WDSUB1: variants seen among roughly 807,000 people sequenced by gnomAD.
WDSUB1 encodes the protein WD repeat, SAM and U-box domain-containing protein 1.
Under a neutral mutation model 53.9 loss-of-function variants are expected in WDSUB1, and 49 were observed. The ratio of observed to expected loss-of-function variants is 0.91; its 90% confidence interval spans 0.72 to 1.15. WDSUB1 has a LOEUF of 1.15. WDSUB1 is among the 50% of genes most tolerant of loss of function. The probability of loss-of-function intolerance (pLI) is 0.00; values close to 1 mark genes in which losing one functional copy is unlikely to be tolerated. For missense variants in WDSUB1, 514 were observed against 562.0 expected, an observed-to-expected ratio of 0.91 and a Z score of 0.86; for synonymous variants, 194 against 200.6, an observed-to-expected ratio of 0.97 and a Z score of 0.28.
Position 159,265,293 on chromosome 2 carries a change from C to CCACACACACACACACA in WDSUB1, c.771-5466_771-5451dup, listed in dbSNP as rs75210001. Among the ~76,000 whole-genome samples, 172 of 149,470 alleles carry CCACACACACACACACA rather than the reference C, an allele frequency of 1.2e-3. 2 individuals are homozygous for CCACACACACACACACA. The highest frequency in any genetic ancestry group is 1.3e-3 in the Non-Finnish European group (90 of 67,242). ...CTTATCTCTAAAGCAAGCACACACA[C>CCACACACACACACACA]CACACACACACACACACACACACAC... On this transcript the variant is annotated intron_variant, in intron 5 of 10. Transcript: ENST00000359774.
chr2:159,275,467 T>C (rs2061520266), intron 4 of WDSUB1, 79 bp downstream of exon 4: 2 of 1,148,236 alleles, frequency 1.7e-6, no homozygotes, highest in Non-Finnish European at 1.2e-6. Context: ...ATACTCAAGG[T>C]ACCTTAAGTA....
intron 10 of WDSUB1, among the ~76,000 whole-genome samples, chr2:159,243,753 C>T (rs2060718562): frequency 6.6e-6 from 1 of 152,096 alleles, no homozygotes; most frequent in Non-Finnish European, 1.5e-5. Context: ...TGTATACCTT[C>T]TCCTAGGAAT....
At chr2:159,264,636 G>C (rs1356275113) in intron 5 of WDSUB1, among the ~76,000 whole-genome samples, 1 of 152,120 alleles carries the variant, frequency 6.6e-6, no homozygotes, top group Non-Finnish European at 1.5e-5. Context: ...CCATGGAGCT[G>C]AGCCCCTTCT....
intron 2 of WDSUB1, among the ~76,000 whole-genome samples, chr2:159,280,690 C>CAAAAAAAAAAAAAAAAAAAAAAAAAA (rs58584838): frequency 1.2e-4 from 7 of 59,590 alleles, no homozygotes; most frequent in African/African-American, 5.1e-4. Context: ...GACTCCGTCT[C>CAAAAAAAAAAAAAAAAAAAAAAAAAA]AAAAAAAAAA....
At chr2:159,243,556 T>G (rs2060715009) in intron 10 of WDSUB1, among the ~76,000 whole-genome samples, 1 of 136,996 alleles carries the variant, frequency 7.3e-6, no homozygotes, top group Non-Finnish European at 1.5e-5. Flanking sequence ...ACAAGGTATA[T>G]GTCTCTATTG....
At chr2:159,251,917 C>A (rs2060959061) in intron 9 of WDSUB1, among the ~76,000 whole-genome samples, 1 of 152,110 alleles carries the variant, frequency 6.6e-6, no homozygotes, top group African/African-American at 2.4e-5. Flanking sequence ...GAGACAGAGA[C>A]CTTCCTACGT....
chr2:159,239,756 C>G (rs2060592964), intron 10 of WDSUB1, among the ~76,000 whole-genome samples: 1 of 152,186 alleles, frequency 6.6e-6, no homozygotes, highest in Non-Finnish European at 1.5e-5. Context: ...AACCCCAGAT[C>G]TGGATTGTTT....
intron 9 of WDSUB1, among the ~76,000 whole-genome samples, chr2:159,250,404 T>TAAA (rs2060925419): frequency 1.3e-5 from 2 of 152,332 alleles, no homozygotes; most frequent in East Asian, 3.9e-4. Context: ...AAAGATTCCC[T>TAAA]CAAATTCTTT....
chr2:159,261,870 A>T (rs1173243302), intron 5 of WDSUB1, among the ~76,000 whole-genome samples: 7 of 14,074 alleles, frequency 5.0e-4, no homozygotes, highest in Admixed American at 9.6e-4. Context: ...ATATATATAT[A>T]TATATATATA....
At chr2:159,244,744 G>A (rs1045879036) in intron 10 of WDSUB1, among the ~76,000 whole-genome samples, 3 of 152,080 alleles carry the variant, frequency 2.0e-5, no homozygotes, top group African/African-American at 7.2e-5. Context: ...GGGCAACAGA[G>A]AGACCCCATC....
intron 9 of WDSUB1, among the ~76,000 whole-genome samples, chr2:159,255,094 C>T (rs1485413809): frequency 6.6e-6 from 1 of 151,968 alleles, no homozygotes; most frequent in East Asian, 1.9e-4. Flanking sequence ...CGCACCACTG[C>T]ACTCCAGCCT....
intron 3 of WDSUB1, 142 bp from the exon 4 acceptor site, chr2:159,275,780 A>G (rs1014688312): frequency 3.2e-6 from 2 of 632,364 alleles, no homozygotes; most frequent in Non-Finnish European, 5.2e-6. Flanking sequence ...ATCATTTAAC[A>G]AAATGCTGAT....
chr2:159,286,335 G>C (rs1575509670), intron 1 of WDSUB1: 1 of 152,424 alleles, frequency 6.6e-6, no homozygotes, highest in Admixed American at 6.5e-5. Flanking sequence ...AGGCAAGAGG[G>C]AGGCCTGGGA....
chr2:159,243,291 C>A (rs1020114884), intron 10 of WDSUB1, among the ~76,000 whole-genome samples: 1 of 147,624 alleles, frequency 6.8e-6, no homozygotes, highest in Admixed American at 6.6e-5. Context: ...TTAGTGGTTT[C>A]CAGGGGCTGG....
At chr2:159,247,260 A>T (rs1056565173) in intron 10 of WDSUB1, among the ~76,000 whole-genome samples, 3 of 152,218 alleles carry the variant, frequency 2.0e-5, no homozygotes, top group Non-Finnish European at 2.9e-5. Context: ...TAACGATAAG[A>T]CACTACATAA....
rs2061319790 is a variant in WDSUB1, at chr2:159,265,314, C to T, written c.771-5471G>A. Among the ~76,000 whole-genome samples, 5 of 151,270 alleles carry T rather than the reference C, an allele frequency of 3.3e-5. No individual in the cohort carries two copies. The South Asian group carries it at 1.0e-3, about 32-fold the overall frequency. On this transcript the variant is annotated intron_variant, in intron 5 of 10. Coordinates refer to ENST00000359774, the MANE Select transcript of WDSUB1 (RefSeq NM_001128212.3). ...CACACCACACACACACACACACACA[C>T]ACACTCACTCTCTCTCTTTTCTTCC...
intron 10 of WDSUB1, among the ~76,000 whole-genome samples, chr2:159,240,897 A>G (rs977380941): frequency 1.9e-4 from 29 of 152,234 alleles, no homozygotes; most frequent in Non-Finnish European, 3.8e-4. Flanking sequence ...AACTGCAGGA[A>G]AGACAACTGG....
chr2:159,244,716 G>C (rs1277009813), intron 10 of WDSUB1, among the ~76,000 whole-genome samples: 1 of 152,168 alleles, frequency 6.6e-6, no homozygotes, highest in Non-Finnish European at 1.5e-5. Flanking sequence ...CTTGAAGCCA[G>C]AAGTTCAGGA....
intron 9 of WDSUB1, among the ~76,000 whole-genome samples, chr2:159,253,898 T>A (rs1480363664): frequency 6.6e-6 from 1 of 152,210 alleles, no homozygotes; most frequent in African/African-American, 2.4e-5. Context: ...TCCTTTATAA[T>A]GAAGGTTGCA....
Sources: gnomAD v4.1 joint callset for allele counts (sites outside exome capture counted in the v4.1 genomes callset) on GRCh38, gnomAD v4.1.1 for gene constraint, MANE v1.5 for transcripts, NCBI Gene and HGNC (gene_info 2026-07-23, HGNC 2026-07-21) for gene names.